ODAD1: variants seen among roughly 807,000 people sequenced by gnomAD.
ODAD1 encodes outer dynein arm-docking complex subunit 1.
Under a neutral mutation model 67.2 loss-of-function variants are expected in ODAD1, and 49 were observed. That is an observed-to-expected ratio of 0.73 (90% confidence interval 0.58 to 0.92). The LOEUF (loss-of-function observed/expected upper bound fraction) is 0.92, where lower values mean the gene tolerates loss of function less well. ODAD1 is among the 40% of genes least tolerant of loss of function. ODAD1 has a pLI of 0.00. For synonymous variants in ODAD1, 345 were observed against 393.7 expected (o/e 0.88, Z 1.46); for missense variants, 897 against 953.7 (o/e 0.94, Z 0.78).
rs114111020 is a variant in ODAD1, at chr19:48,297,464, C to T, written c.1636G>A (p.Ala546Thr). ...CTCAGGGTGCCGTCCAGCTTCGCGGCGGCGGCGGCCAGGTCCTTCTGGCGC... is the reference window on the plus strand; with the variant it reads ...CTCAGGGTGCCGTCCAGCTTCGCGGTGGCGGCGGCCAGGTCCTTCTGGCGC... The part of the protein sequence containing the change: ...AQRQKDLAAA[A>T]AKLDGTLSVD... The change falls in exon 16 of 16, where the codon GCC (alanine) becomes ACC (threonine). Residue 546 changes from alanine (A) to threonine (T), a missense_variant. Physicochemically the swap from Ala to Thr is moderately conservative, Grantham distance 58. Transcript: ENST00000674294. 1.8e-3 allele frequency: 2,839 copies of T among 1,600,422 alleles called. 44 individuals are homozygous for T. The African/African-American group carries it at 0.033, about 18-fold the overall frequency.
chr19:48,302,163 T>G (rs1600859591), intron 12 of ODAD1, among the ~76,000 whole-genome samples: 2 of 146,476 alleles, frequency 1.4e-5, no homozygotes, highest in South Asian at 2.2e-4. Context: ...CCTGGATGGG[T>G]AGATAGATAT....
In ODAD1 at chr19:48,304,354, G is replaced by A. The variant is rs10401859; in HGVS notation, c.666-214C>T. Among the ~76,000 whole-genome samples, 2,427 of 152,250 alleles carry A rather than the reference G, an allele frequency of 0.016. 72 individuals carry two copies. The highest frequency in any genetic ancestry group is 0.056 in the African/African-American group (2,308 of 41,538). ...AAAAAGCAGAGAACTGGCTGGGCAC[G>A]GTGGCTCAGGCTGTAATCCCAGCAC... On this transcript the variant is annotated intron_variant, in intron 8 of 15. Coordinates refer to ENST00000674294, the MANE Select transcript of ODAD1 (RefSeq NM_001364171.2).
intron 5 of ODAD1, among the ~76,000 whole-genome samples, chr19:48,316,366 C>T (rs989833586): frequency 3.4e-5 from 5 of 149,188 alleles, no homozygotes; most frequent in African/African-American, 7.5e-5. Flanking sequence ...GGTGACAGAG[C>T]GAGACTTCGT....
rs80151155 is a variant in ODAD1 at position 48,303,609 on chromosome 19, G to A, written c.988+41C>T. Reference sequence around the variant, plus strand: ...GCCTGCACTGGACTCAGGGGGTGCCGGGGTCCCGGGCCTCCTCCCTCCACC... The same window carrying A: ...GCCTGCACTGGACTCAGGGGGTGCCAGGGTCCCGGGCCTCCTCCCTCCACC... On this transcript the variant is annotated intron_variant, in intron 10 of 15. Coordinates refer to ENST00000674294, the MANE Select transcript of ODAD1 (RefSeq NM_001364171.2). 4,349 of 1,612,424 alleles carry A rather than the reference G, an allele frequency of 2.7e-3. 92 individuals carry two copies. The African/African-American group carries it at 0.052, about 19-fold the overall frequency.
chr19:48,302,367 A>AATGG (rs3077987), intron 12 of ODAD1, among the ~76,000 whole-genome samples: 19,894 of 142,504 alleles, frequency 0.14, 1,399 homozygotes, highest in Middle Eastern at 0.16. Flanking sequence ...ACAGACGTTG[A>AATGG]ATGGATGGAT....
At chr19:48,309,057 T>C (rs1373430715) in intron 7 of ODAD1, among the ~76,000 whole-genome samples, 1 of 152,146 alleles carries the variant, frequency 6.6e-6, no homozygotes, top group African/African-American at 2.4e-5. Context: ...GCCTGTACCC[T>C]GAACGGCCCA....
At chr19:48,302,941 C>T in intron 11 of ODAD1, 72 bp downstream of exon 11, 2 of 1,583,916 alleles carry the variant, frequency 1.3e-6, no homozygotes, top group Middle Eastern at 1.7e-4. Context: ...AAGCAGGAGG[C>T]AGGCTGAGGG....
intron 3 of ODAD1, among the ~76,000 whole-genome samples, chr19:48,319,239 C>T (rs1432884835): frequency 6.6e-6 from 1 of 152,042 alleles, no homozygotes; most frequent in East Asian, 1.9e-4. Flanking sequence ...CCTGGACCAT[C>T]ACCCCAACCT....
chr19:48,318,312 G>T, intron 5 of ODAD1, 75 bp downstream of exon 5: 1 of 1,303,716 alleles, frequency 7.7e-7, no homozygotes, highest in Non-Finnish European at 1.1e-6. Flanking sequence ...AATTTCACAT[G>T]AGGAAGCTAA....
intron 5 of ODAD1, 68 bp from the exon 6 acceptor site, chr19:48,312,184 A>T: frequency 8.0e-7 from 1 of 1,254,634 alleles, no homozygotes; most frequent in Non-Finnish European, 1.1e-6. Flanking sequence ...GGCCCAGGGA[A>T]AATGAGTCAC....
In ODAD1 at chr19:48,312,114, G is replaced by T. The variant is rs775672231; in HGVS notation, c.363C>A (p.Ile121=). The T allele has an allele frequency of 1.3e-6, 2 of 1,551,144 alleles. No individual in the cohort carries two copies. The highest frequency in any genetic ancestry group is 1.7e-6 in the Non-Finnish European group (2 of 1,146,236). ...TAAAGATCCGCGTCTCCCACTCCTGGATCTACAAGAAAGAGGATGGTACCT... is the reference window on the plus strand; with the variant it reads ...TAAAGATCCGCGTCTCCCACTCCTGTATCTACAAGAAAGAGGATGGTACCT... The part of the protein sequence containing the change: ...QEQTRALDKQ[I]QEWETRIFTH... The change falls in exon 6 of 16, where the codon ATC becomes ATA. Residue 121 remains isoleucine (I), a splice_region_variant and synonymous_variant. Transcript: ENST00000674294.
At chr19:48,303,867 G>A in intron 9 of ODAD1, 83 bp from the exon 10 acceptor site, 1 of 1,576,514 alleles carries the variant, frequency 6.3e-7, no homozygotes, top group Non-Finnish European at 8.6e-7. Flanking sequence ...GCGAAGTGTG[G>A]TCCCACCTGG....
chr19:48,320,237 A>C lies in ODAD1; in HGVS notation c.70+62T>G, dbSNP rs1051344332. 5 of 1,098,684 alleles carry C rather than the reference A, an allele frequency of 4.6e-6. No homozygotes were observed. The African/African-American group carries it at 8.1e-5, about 18-fold the overall frequency. The allele number at this position is 1,098,684 out of a possible 1,614,324, so 68.1% of individuals were successfully genotyped here. Reference sequence around the variant, plus strand: ...CTCCCTCCCTCCCTACAGGACCTGGAACTTGGGAAAGCTGGGGGCTGGAAA... The same window carrying C: ...CTCCCTCCCTCCCTACAGGACCTGGCACTTGGGAAAGCTGGGGGCTGGAAA... On this transcript the variant is annotated intron_variant, in intron 3 of 15. Coordinates refer to ENST00000674294, the MANE Select transcript of ODAD1 (RefSeq NM_001364171.2).
At chr19:48,306,743 C>A (rs187002541) in intron 7 of ODAD1, among the ~76,000 whole-genome samples, 1 of 152,268 alleles carries the variant, frequency 6.6e-6, no homozygotes, top group African/African-American at 2.4e-5. Flanking sequence ...AGCAAGTGAA[C>A]TTTATTTAAA....
chr19:48,311,664 G>A lies in ODAD1; in HGVS notation c.486C>T (p.Val162=), dbSNP rs1333175654. Residue 162 remains valine, a splice_region_variant and synonymous_variant, in exon 7 of 16, where the codon GTC becomes GTT. Transcript: ENST00000674294. ...CCAGCTGGTTGTCAAAGTGACAGGTGACCTGGGAGTAGAAAGGTGGATGGA... is the reference window on the plus strand; with the variant it reads ...CCAGCTGGTTGTCAAAGTGACAGGTAACCTGGGAGTAGAAAGGTGGATGGA... ...IRILENQLDR[V]TCHFDNQLVR... 1 of 1,536,850 alleles carries A rather than the reference G, an allele frequency of 6.5e-7. No homozygotes were observed. The highest frequency in any genetic ancestry group is 8.8e-7 in the Non-Finnish European group (1 of 1,133,430).
rs376591319 is a variant in ODAD1 at position 48,297,717 on chromosome 19, A to C, written c.1503-49T>G. ...AAAAGACTAGACCTCAGCCCTCAAAAAGGCCAGCGGCCCTTCCTGCTAAAC... is the reference window on the plus strand; with the variant it reads ...AAAAGACTAGACCTCAGCCCTCAAACAGGCCAGCGGCCCTTCCTGCTAAAC... On this transcript the variant is annotated intron_variant, in intron 14 of 15. Coordinates refer to ENST00000674294, the MANE Select transcript of ODAD1 (RefSeq NM_001364171.2). 6.9e-5 allele frequency: 95 copies of C among 1,372,730 alleles called. 1 individual carries two copies. In the East Asian group the frequency reaches 1.1e-3, roughly 16 times the overall value. The allele number at this position is 1,372,730 out of a possible 1,614,324, so 85.0% of individuals were successfully genotyped here. A position where few individuals can be genotyped will look rare whatever the true frequency, so the allele number is the denominator to read the frequency against.
chr19:48,311,104 C>T (rs572239196), intron 7 of ODAD1, among the ~76,000 whole-genome samples: 8 of 152,036 alleles, frequency 5.3e-5, no homozygotes, highest in South Asian at 2.1e-4. Flanking sequence ...CCCAGCTACT[C>T]GGGAGGCTGA....
At chr19:48,317,482 A>G (rs1233268339) in intron 5 of ODAD1, among the ~76,000 whole-genome samples, 3 of 152,144 alleles carry the variant, frequency 2.0e-5, no homozygotes, top group African/African-American at 7.2e-5. Context: ...AGAGAGGGGA[A>G]AACCTGCCTG....
intron 5 of ODAD1, among the ~76,000 whole-genome samples, chr19:48,314,667 G>A (rs1337486712): frequency 3.3e-5 from 5 of 152,232 alleles, no homozygotes; most frequent in Admixed American, 1.3e-4. Flanking sequence ...GTTGGTGGGC[G>A]CAGTGTCTCA....
Sources: gnomAD v4.1 joint callset for allele counts (sites outside exome capture counted in the v4.1 genomes callset) on GRCh38, gnomAD v4.1.1 for gene constraint, MANE v1.5 for transcripts, NCBI Gene and HGNC (gene_info 2026-07-23, HGNC 2026-07-21) for gene names.